HFM1: variants seen among roughly 807,000 people sequenced by gnomAD.
HFM1 encodes the protein probable ATP-dependent DNA helicase HFM1.
Under a neutral mutation model 192.1 loss-of-function variants are expected in HFM1, and 169 were observed. The observed-to-expected ratio is 0.88, with a 90% CI of 0.78 to 1.00. The LOEUF (loss-of-function observed/expected upper bound fraction) is 1.00, where lower values mean the gene tolerates loss of function less well. HFM1 is among the 50% of genes least tolerant of loss of function. The pLI is 0.00. For missense variants in HFM1, 1,661 were observed against 1,668.0 expected (o/e 1.00, Z 0.07); for synonymous variants, 525 against 537.8 (o/e 0.98, Z 0.33).
chr1:91,397,892 C>T (rs895999388), intron 2 of HFM1, among the ~76,000 whole-genome samples: 1 of 152,164 alleles, frequency 6.6e-6, no homozygotes, highest in African/African-American at 2.4e-5. Flanking sequence ...AAGGGAAGCT[C>T]TTCAGGGACC....
In HFM1 at chr1:91,388,741, C is replaced by T. The variant is rs562109701; in HGVS notation, c.495-2907G>A. Among the ~76,000 whole-genome samples the T allele has an allele frequency of 2.2e-4, 33 of 152,180 alleles. No homozygotes were observed. In the South Asian group the frequency reaches 5.2e-3, roughly 24 times the overall value. ...CCAAAACCATAAGCAACCAAAGTGA[C>T]GCCAAATCAGTATTACATCAAAGCA... is the stretch of plus-strand genomic sequence containing the variant. On this transcript the variant is annotated intron_variant, in intron 4 of 38. Coordinates refer to ENST00000370425, the MANE Select transcript of HFM1 (RefSeq NM_001017975.6).
rs531139885 is a variant in HFM1 at position 91,378,621 on chromosome 1, T to C, written c.1159-141A>G. 5.1e-5 allele frequency: 23 copies of C among 454,676 alleles called. 1 individual carries two copies. The highest frequency in any genetic ancestry group is 4.3e-4 in the Admixed American group (11 of 25,316). The allele number at this position is 454,676 out of a possible 1,614,324, so 28.2% of individuals were successfully genotyped here. A position where few individuals can be genotyped will look rare whatever the true frequency, so the allele number is the denominator to read the frequency against. On this transcript the variant is annotated intron_variant, in intron 9 of 38. Coordinates refer to ENST00000370425, the MANE Select transcript of HFM1 (RefSeq NM_001017975.6). ...GATCCCTTAAGAGTATTCTGAAAAA[T>C]ATTTTAAAATTAAAAAATACTTAAA... is the stretch of plus-strand genomic sequence containing the variant.
intron 13 of HFM1, among the ~76,000 whole-genome samples, chr1:91,357,082 G>A (rs1296317516): frequency 6.6e-6 from 1 of 151,990 alleles, no homozygotes; most frequent in African/African-American, 2.4e-5. Flanking sequence ...ACAGCTACAG[G>A]GAATACTTCC....
chr1:91,347,296 T>C (rs1365812712), intron 19 of HFM1, 133 bp downstream of exon 19: 1 of 468,024 alleles, frequency 2.1e-6, no homozygotes, highest in Admixed American at 4.0e-5. Context: ...AAAGAAATAG[T>C]TCACATTATT....
chr1:91,364,794 C>T (rs897746611), intron 13 of HFM1, among the ~76,000 whole-genome samples: 13 of 151,172 alleles, frequency 8.6e-5, no homozygotes, highest in East Asian at 3.9e-4. Context: ...CCACCACGCC[C>T]GGCTAATTTT....
intron 20 of HFM1, among the ~76,000 whole-genome samples, chr1:91,338,125 G>A (rs531751812): frequency 9.2e-5 from 14 of 152,218 alleles, no homozygotes; most frequent in South Asian, 2.1e-4. Flanking sequence ...CTCTTGTCAC[G>A]GACCTCTGGA....
rs769810640 is a variant in HFM1 at position 91,379,142 on chromosome 1, T to C, written c.1079A>G (p.Asn360Ser). 4 of 1,608,942 alleles carry C rather than the reference T, an allele frequency of 2.5e-6. No individual in the cohort carries two copies. Among genetic ancestry groups the C allele is most frequent in the South Asian group, 1.1e-5 (1 of 90,356 alleles). Residue 360 changes from asparagine (N) to serine (S), a missense_variant, in exon 9 of 39, where the codon AAT (asparagine) becomes AGT (serine). Asn to Ser is a conservative substitution (Grantham distance 46). Transcript: ENST00000370425. ...TGTATCTCCAGTAAGTTCTTTACAA[T>C]TCAATCCTATTGGTCCAAATTTTTC... ...WKEKFGPIGL[N>S]CKELTGDTVM... is the part of the protein sequence containing the mutation.
intron 17 of HFM1, among the ~76,000 whole-genome samples, chr1:91,351,109 C>T (rs1656877965): frequency 6.6e-6 from 1 of 151,822 alleles, no homozygotes; most frequent in East Asian, 1.9e-4. Flanking sequence ...AAAGTTGAAG[C>T]GTAAATTATA....
At chr1:91,336,590 G>A (rs28395174) in intron 20 of HFM1, among the ~76,000 whole-genome samples, 29,958 of 152,026 alleles carry the variant, frequency 0.2, 3,677 homozygotes, top group South Asian at 0.35. Context: ...AACAGAAGCC[G>A]GCAAGATTGC....
intron 25 of HFM1, among the ~76,000 whole-genome samples, chr1:91,316,970 GTAT>G (rs1409140733): frequency 1.3e-5 from 2 of 152,058 alleles, no homozygotes; most frequent in Non-Finnish European, 2.9e-5. Context: ...CTTTTCCATT[GTAT>G]TTAGAATGAA....
At chr1:91,278,102 TA>T (rs960747577) in intron 30 of HFM1, among the ~76,000 whole-genome samples, 1 of 150,412 alleles carries the variant, frequency 6.6e-6, no homozygotes, top group Non-Finnish European at 1.5e-5. Flanking sequence ...GAAAAACCTG[TA>T]AAGAAGTAAA....
chr1:91,364,632 A>ATT (rs61550398), intron 13 of HFM1, among the ~76,000 whole-genome samples: 10,407 of 66,096 alleles, frequency 0.16, 1,540 homozygotes, highest in Middle Eastern at 0.34. Flanking sequence ...ATATATATAT[A>ATT]TTTTTTTTTT....
chr1:91,407,560 A>C (rs1303975546), upstream of HFM1, among the ~76,000 whole-genome samples: 1 of 152,206 alleles, frequency 6.6e-6, no homozygotes, highest in Non-Finnish European at 1.5e-5. Flanking sequence ...TCCATGTTGT[A>C]GCATGGATCA....
upstream of HFM1, among the ~76,000 whole-genome samples, chr1:91,406,830 G>T (rs867496822): frequency 3.3e-5 from 5 of 152,078 alleles, no homozygotes; most frequent in Admixed American, 6.5e-5. Flanking sequence ...AGGGCAAACA[G>T]CAAAAGAAGA....
At chr1:91,357,696 T>TA (rs1273216669) in intron 13 of HFM1, among the ~76,000 whole-genome samples, 4 of 152,130 alleles carry the variant, frequency 2.6e-5, no homozygotes, top group East Asian at 1.9e-4. Flanking sequence ...ATCTTACATG[T>TA]AAAAAAACCT....
intron 21 of HFM1, among the ~76,000 whole-genome samples, chr1:91,324,433 T>C (rs1652582951): frequency 6.6e-6 from 1 of 152,200 alleles, no homozygotes. Context: ...GCCATACCTA[T>C]TTTAGTTTTG....
At chr1:91,400,118 AAAT>A (rs1440522127) in intron 2 of HFM1, among the ~76,000 whole-genome samples, 38 of 152,346 alleles carry the variant, frequency 2.5e-4, no homozygotes, top group African/African-American at 8.4e-4. Context: ...TGAACAAGTA[AAAT>A]AATGAGGCAA....
At chr1:91,363,348 A>G (rs1357454458) in intron 13 of HFM1, among the ~76,000 whole-genome samples, 2 of 101,056 alleles carry the variant, frequency 2.0e-5, no homozygotes, top group African/African-American at 7.2e-5. Context: ...AAAAAAACAA[A>G]CAACCCCATT....
At chr1:91,277,882 T>TAA (rs1318770227) in intron 30 of HFM1, among the ~76,000 whole-genome samples, 1 of 88,158 alleles carries the variant, frequency 1.1e-5, no homozygotes, top group Non-Finnish European at 2.1e-5. Flanking sequence ...TAATATATAC[T>TAA]TATATATTAT....
Sources: allele counts gnomAD v4.1 joint callset (sites outside exome capture counted in the v4.1 genomes callset), GRCh38; gene constraint gnomAD v4.1.1; transcripts MANE v1.5; gene names NCBI Gene and HGNC (gene_info 2026-07-23, HGNC 2026-07-21).